The following OXCT1 variants were observed in gnomAD, a reference collection of about 807,000 sequenced individuals.
The protein encoded by OXCT1 is 3-oxoacid CoA-transferase 1.
Under a neutral mutation model 69.6 loss-of-function variants are expected in OXCT1, and 27 were observed. The observed-to-expected ratio is 0.39, with a 90% CI of 0.29 to 0.54. The LOEUF (loss-of-function observed/expected upper bound fraction) is 0.54, where lower values mean the gene tolerates loss of function less well. Among genes scored for constraint, OXCT1 ranks in the 20% least tolerant of loss-of-function variants. The probability of loss-of-function intolerance (pLI) is 0.72; values close to 1 mark genes in which losing one functional copy is unlikely to be tolerated. For synonymous variants in OXCT1, 202 were observed against 217.8 expected (o/e 0.93, Z 0.64); for missense variants, 437 against 650.2 (o/e 0.67, Z 3.57).
intron 7 of OXCT1, among the ~76,000 whole-genome samples, chr5:41,830,882 A>G (rs546509455): frequency 5.9e-5 from 9 of 152,328 alleles, no homozygotes; most frequent in African/African-American, 2.2e-4. Flanking sequence ...CTAAAGCAAG[A>G]AGCATGATGC....
At chr5:41,783,396 T>C (rs1482745524) in intron 13 of OXCT1, among the ~76,000 whole-genome samples, 1 of 152,214 alleles carries the variant, frequency 6.6e-6, no homozygotes, top group Non-Finnish European at 1.5e-5. Context: ...ATTAGCCCTT[T>C]GGTTTCATTC....
intron 3 of OXCT1, among the ~76,000 whole-genome samples, chr5:41,856,525 G>A (rs1579892253): frequency 6.6e-6 from 1 of 152,268 alleles, no homozygotes; most frequent in East Asian, 1.9e-4. Context: ...CAGCTCAGCT[G>A]ATTCCTTCCC....
At chr5:41,740,106 T>C (rs929040378) in intron 15 of OXCT1, among the ~76,000 whole-genome samples, 3 of 152,184 alleles carry the variant, frequency 2.0e-5, no homozygotes, top group African/African-American at 7.2e-5. Context: ...TCTAACACTT[T>C]TGGTCAAAGG....
chr5:41,829,823 T>C (rs1035156072), intron 7 of OXCT1, among the ~76,000 whole-genome samples: 1 of 152,186 alleles, frequency 6.6e-6, no homozygotes, highest in Non-Finnish European at 1.5e-5. Flanking sequence ...TTAGGTTATT[T>C]TGCCAAACTA....
chr5:41,811,052 C>A (rs1398677895), intron 7 of OXCT1, among the ~76,000 whole-genome samples: 1 of 144,856 alleles, frequency 6.9e-6, no homozygotes, highest in Non-Finnish European at 1.5e-5. Context: ...TGTCTAGAAT[C>A]ATGAGAAACA....
intron 4 of OXCT1, among the ~76,000 whole-genome samples, chr5:41,852,361 C>G (rs1014384380): frequency 1.3e-5 from 2 of 152,102 alleles, no homozygotes; most frequent in African/African-American, 2.4e-5. Context: ...ACAAACACAC[C>G]ATGATTTCAT....
chr5:41,851,903 T>C (rs1041588804), intron 4 of OXCT1, among the ~76,000 whole-genome samples: 3 of 152,154 alleles, frequency 2.0e-5, no homozygotes, highest in Non-Finnish European at 4.4e-5. Context: ...AATTCATATG[T>C]TGAATTCCTA....
rs7723992 is a variant in OXCT1 at position 41,853,412 on chromosome 5, T to G, written c.414+7A>C. On this transcript the variant is annotated splice_region_variant and intron_variant, in intron 4 of 16. Transcript: ENST00000196371. ...TAGTATTATAAAAGAAAAGCAAATTTTCTCACCTGTGGTGTCAGCTCCACT... is the reference window on the plus strand; with the variant it reads ...TAGTATTATAAAAGAAAAGCAAATTGTCTCACCTGTGGTGTCAGCTCCACT... 107,681 of 1,612,298 alleles carry G rather than the reference T, an allele frequency of 0.067. 6,945 individuals carry two copies. Among genetic ancestry groups the G allele is most frequent in the African/African-American group, 0.34 (25,589 of 74,848 alleles).
chr5:41,748,583 C>A (rs924947973), intron 15 of OXCT1, among the ~76,000 whole-genome samples: 4 of 151,886 alleles, frequency 2.6e-5, no homozygotes, highest in Non-Finnish European at 5.9e-5. Context: ...TTATATGTTA[C>A]CTTCATGGCA....
intron 13 of OXCT1, among the ~76,000 whole-genome samples, chr5:41,766,016 G>A (rs1744579823): frequency 6.6e-6 from 1 of 152,176 alleles, no homozygotes; most frequent in African/African-American, 2.4e-5. Flanking sequence ...GGCCTATAAT[G>A]AAGAAGAGCT....
intron 16 of OXCT1, among the ~76,000 whole-genome samples, chr5:41,737,408 T>C (rs1007920479): frequency 6.6e-6 from 1 of 152,026 alleles, no homozygotes; most frequent in African/African-American, 2.4e-5. Flanking sequence ...AAGAACTAGA[T>C]AACCAGGTCT....
intron 7 of OXCT1, among the ~76,000 whole-genome samples, chr5:41,819,333 A>C (rs1747413400): frequency 6.8e-6 from 1 of 147,860 alleles, no homozygotes; most frequent in Non-Finnish European, 1.5e-5. Context: ...TAAAACCATT[A>C]ATATGCTAGT....
intron 7 of OXCT1, among the ~76,000 whole-genome samples, chr5:41,828,268 T>C (rs1747908637): frequency 6.6e-6 from 1 of 151,344 alleles, no homozygotes; most frequent in Non-Finnish European, 1.5e-5. Context: ...CCACCATGCC[T>C]GGCTAATTTT....
chr5:41,844,986 T>C (rs1450400346), intron 5 of OXCT1, among the ~76,000 whole-genome samples: 2 of 150,314 alleles, frequency 1.3e-5, no homozygotes, highest in African/African-American at 4.9e-5. Flanking sequence ...GCCACAGTGA[T>C]AGTTACAAAA....
intron 7 of OXCT1, among the ~76,000 whole-genome samples, chr5:41,839,554 T>C (rs1748532083): frequency 6.6e-6 from 1 of 152,160 alleles, no homozygotes; most frequent in East Asian, 1.9e-4. Flanking sequence ...AACATATACT[T>C]CAGCAATTTA....
At chr5:41,805,848 T>C (rs1051138763) in intron 8 of OXCT1, among the ~76,000 whole-genome samples, 167 bp from the exon 9 acceptor site, 1 of 152,126 alleles carries the variant, frequency 6.6e-6, no homozygotes, top group Non-Finnish European at 1.5e-5. Context: ...TATTTGATGG[T>C]AGAAATAATT....
chr5:41,810,579 A>G (rs1746927241), intron 7 of OXCT1, among the ~76,000 whole-genome samples: 2 of 152,048 alleles, frequency 1.3e-5, no homozygotes, highest in South Asian at 2.1e-4. Flanking sequence ...AAAAATAGAC[A>G]CTAGGAAATG....
In OXCT1 at chr5:41,749,619, A is replaced by G. The variant is rs747453069; in HGVS notation, c.1339-12T>C. Reference sequence around the variant, plus strand: ...TTATGTGCATTTCCCTGTTTTAAAAAGAAAACATCAAAAAGAGTAGTTAGG... The same window carrying G: ...TTATGTGCATTTCCCTGTTTTAAAAGGAAAACATCAAAAAGAGTAGTTAGG... On this transcript the variant is annotated splice_polypyrimidine_tract_variant and intron_variant, in intron 14 of 16. Transcript: ENST00000196371. 1.2e-4 allele frequency: 180 copies of G among 1,560,566 alleles called. 2 individuals carry two copies. The East Asian group carries it at 4.0e-3, about 35-fold the overall frequency.
At chr5:41,819,209 C>T (rs1449693490) in intron 7 of OXCT1, among the ~76,000 whole-genome samples, 1 of 152,056 alleles carries the variant, frequency 6.6e-6, no homozygotes, top group Non-Finnish European at 1.5e-5. Context: ...AAAAGGAATC[C>T]ATGTCATTCT....
Sources: allele counts gnomAD v4.1 joint callset (sites outside exome capture counted in the v4.1 genomes callset), GRCh38; gene constraint gnomAD v4.1.1; transcripts MANE v1.5; gene names NCBI Gene and HGNC (gene_info 2026-07-23, HGNC 2026-07-21).